SIDT1: variants seen among roughly 807,000 people sequenced by gnomAD.
The protein encoded by SIDT1 is SID1 transmembrane family, member 1.
A neutral mutation model predicts 107.5 loss-of-function variants in SIDT1; 101 were observed. The ratio of observed to expected loss-of-function variants is 0.94; its 90% CI spans 0.80 to 1.11. The LOEUF (loss-of-function observed/expected upper bound fraction) is 1.11, where lower values mean the gene tolerates loss of function less well. Ranked by LOEUF, SIDT1 falls within the 50% of genes least tolerant of loss-of-function variation. The pLI, the probability that SIDT1 is intolerant of heterozygous loss-of-function variation, is 0.00. For synonymous variants in SIDT1, 395 were observed against 398.2 expected (o/e 0.99, Z 0.10); for missense variants, 1,076 against 1,058.2 (o/e 1.02, Z -0.23).
At chr3:113,630,877 G>C (rs1288891894), downstream of SIDT1, among the ~76,000 whole-genome samples, 1 of 152,084 alleles carries the variant, frequency 6.6e-6, no homozygotes, top group Non-Finnish European at 1.5e-5. Context: ...AGCCAGTCTG[G>C]GATCTCTCTC....
intron 6 of SIDT1, 130 bp downstream of exon 6, chr3:113,581,574 TA>T (rs1273165241): frequency 1.6e-5 from 12 of 742,398 alleles, no homozygotes; most frequent in Non-Finnish European, 2.5e-5. Flanking sequence ...CTGATTGGTT[TA>T]AAAACTAATA....
intron 24 of SIDT1, 45 bp from the exon 25 acceptor site, chr3:113,627,601 C>G: frequency 6.3e-7 from 1 of 1,576,820 alleles, no homozygotes; most frequent in Non-Finnish European, 8.7e-7. Context: ...CTTAGTGTGA[C>G]AGTGACTGTC....
chr3:113,568,361 C>T (rs751331052), intron 3 of SIDT1, among the ~76,000 whole-genome samples: 11 of 151,676 alleles, frequency 7.3e-5, no homozygotes, highest in Non-Finnish European at 1.2e-4. Context: ...TTTGGGAGGC[C>T]GAGGAGGTGG....
chr3:113,607,053 A>G lies in SIDT1; in HGVS notation c.1417A>G (p.Thr473Ala). 1.2e-6 allele frequency: 2 copies of G among 1,611,166 alleles called. No homozygotes were observed. The highest frequency in any genetic ancestry group is 1.7e-5 in the Admixed American group (1 of 60,012). The change falls in exon 15 of 25, where the codon ACT (threonine) becomes GCT (alanine). Residue 473 changes from threonine to alanine, a missense_variant. By Grantham distance (58) the Thr-to-Ala change is moderately conservative. Coordinates refer to ENST00000264852, the MANE Select transcript of SIDT1 (RefSeq NM_017699.3). ...VITYQTVVNVTGNQDICYYNF... is the reference protein window; with the variant it reads ...VITYQTVVNVAGNQDICYYNF... ...CTTGATTTTACAGGTGGTAAATGTCACTGGCAACCAGGACATCTGTTACTA... is the reference window on the plus strand; with the variant it reads ...CTTGATTTTACAGGTGGTAAATGTCGCTGGCAACCAGGACATCTGTTACTA...
intron 3 of SIDT1, among the ~76,000 whole-genome samples, chr3:113,568,163 A>C (rs1398325917): frequency 1.4e-5 from 2 of 147,448 alleles, no homozygotes; most frequent in Non-Finnish European, 3.0e-5. Flanking sequence ...TCTTGGTGTG[A>C]CTAGTATTAT....
In SIDT1 at chr3:113,585,225, C is replaced by T; in HGVS notation, c.956C>T (p.Ser319Phe). ...SSLFSVFIFLSFYLGCLLVGF... is the reference protein window; with the variant it reads ...SSLFSVFIFLFFYLGCLLVGF... ...CTTTTCAGTGTCTTCATCTTCCTGT[C>T]CTTCTACTTGGGATGCCTTCTTGTT... The change falls in exon 9 of 25, where the codon TCC becomes TTC. Residue 319 changes from serine (S) to phenylalanine (F), a missense_variant. Coordinates refer to ENST00000264852, the MANE Select transcript of SIDT1 (RefSeq NM_017699.3). 1 of 1,613,624 alleles carries T rather than the reference C, an allele frequency of 6.2e-7. No individual in the cohort carries two copies. Among genetic ancestry groups the T allele is most frequent in the Non-Finnish European group, 8.5e-7 (1 of 1,179,688 alleles).
At chr3:113,586,966 C>G (rs1159550142) in intron 9 of SIDT1, among the ~76,000 whole-genome samples, 1 of 151,998 alleles carries the variant, frequency 6.6e-6, no homozygotes, top group East Asian at 1.9e-4. Flanking sequence ...ATTACACTAG[C>G]AGAAAAATAT....
intron 20 of SIDT1, among the ~76,000 whole-genome samples, chr3:113,617,898 A>T (rs1946214379): frequency 6.6e-6 from 1 of 152,160 alleles, no homozygotes; most frequent in Non-Finnish European, 1.5e-5. Flanking sequence ...ACAGTGGTAC[A>T]TTGGTTACAG....
intron 3 of SIDT1, among the ~76,000 whole-genome samples, chr3:113,576,369 C>G (rs1224221130): frequency 6.6e-6 from 1 of 152,130 alleles, no homozygotes; most frequent in African/African-American, 2.4e-5. Flanking sequence ...TTTCAGCCAA[C>G]GTGGCAGGCA....
the SIDT1 span, among the ~76,000 whole-genome samples, chr3:113,635,740 G>T: frequency 6.6e-6 from 1 of 151,942 alleles, no homozygotes; most frequent in East Asian, 1.9e-4. Flanking sequence ...GGTGGCAGGT[G>T]CCTGTAATCC....
In SIDT1 at chr3:113,612,104, G is replaced by T. The variant is rs199720714; in HGVS notation, c.1876G>T (p.Val626Leu). The change falls in exon 19 of 25, where the codon GTA becomes TTA. Residue 626 changes from valine to leucine, a missense_variant. Coordinates refer to ENST00000264852, the MANE Select transcript of SIDT1 (RefSeq NM_017699.3). ...CTCCTAGGTGTTTGGAAAAAATGACGTATGGTTCTGGGTCATCTTCTCTGC... is the reference window on the plus strand; with the variant it reads ...CTCCTAGGTGTTTGGAAAAAATGACTTATGGTTCTGGGTCATCTTCTCTGC... Reference protein sequence around the residue: ...VLGVVFGKNDVWFWVIFSAIH... With the variant: ...VLGVVFGKNDLWFWVIFSAIH... 1.2e-6 allele frequency: 2 copies of T among 1,613,890 alleles called. No homozygotes were observed. Among genetic ancestry groups the T allele is most frequent in the Admixed American group, 3.3e-5 (2 of 60,018 alleles).
At chr3:113,616,226 ATAG>A (rs1946094608) in intron 20 of SIDT1, 50 bp downstream of exon 20, 1 of 1,406,654 alleles carries the variant, frequency 7.1e-7, no homozygotes, top group Non-Finnish European at 1.0e-6. Context: ...AAGCAGGGGA[ATAG>A]TAGGAGGAAC....
chr3:113,568,811 A>T (rs1432973252), intron 3 of SIDT1, among the ~76,000 whole-genome samples: 1 of 152,032 alleles, frequency 6.6e-6, no homozygotes, highest in Non-Finnish European at 1.5e-5. Context: ...GCTATACCCA[A>T]CAACATGGAT....
chr3:113,616,241 G>C, intron 20 of SIDT1, 65 bp downstream of exon 20: 2 of 1,292,500 alleles, frequency 1.5e-6, no homozygotes, highest in Non-Finnish European at 2.3e-6. Flanking sequence ...AGGAGGAACA[G>C]GCTTGGGGCA....
chr3:113,601,629 A>G lies in SIDT1; in HGVS notation c.1087A>G (p.Thr363Ala). ...GGCATCTCATCCCATTGCTGCCAGC[A>G]CACCCGAAGGGAGCAATTATGGGAC... ...MVASHPIAASTPEGSNYGTID... is the reference protein window; with the variant it reads ...MVASHPIAASAPEGSNYGTID... The change falls in exon 11 of 25, where the codon ACA (threonine) becomes GCA (alanine). Residue 363 changes from threonine to alanine, a missense_variant. Physicochemically the swap from Thr to Ala is moderately conservative, Grantham distance 58. Coordinates refer to ENST00000264852, the MANE Select transcript of SIDT1 (RefSeq NM_017699.3). 1 of 1,614,032 alleles carries G rather than the reference A, an allele frequency of 6.2e-7. No homozygotes were observed. The highest frequency in any genetic ancestry group is 8.5e-7 in the Non-Finnish European group (1 of 1,179,886).
chr3:113,578,261 C>A (rs1049222602), intron 4 of SIDT1, among the ~76,000 whole-genome samples: 1 of 151,662 alleles, frequency 6.6e-6, no homozygotes, highest in Non-Finnish European at 1.5e-5. Flanking sequence ...GTCAGGAGAT[C>A]GAGACCATCC....
Position 113,533,096 on chromosome 3 carries a change from G to A in SIDT1, c.75G>A (p.Pro25=). Residue 25 remains proline (P), a synonymous_variant, in exon 1 of 25, where the codon CCG becomes CCA. Coordinates refer to ENST00000264852, the MANE Select transcript of SIDT1 (RefSeq NM_017699.3). ...WLLLAASPGH[P]AKSPRQPPAP... The stretch of plus-strand genomic sequence containing the variant: ...TGCTGGCGGCGTCGCCCGGGCACCC[G>A]GCGAAATCCCCCAGGCAGCCCCCGG... 6.6e-7 allele frequency: 1 copy of A among 1,519,440 alleles called. No individual in the cohort carries two copies. The highest frequency in any genetic ancestry group is 8.8e-7 in the Non-Finnish European group (1 of 1,134,334). The allele number at this position is 1,519,440 out of a possible 1,614,324, so 94.1% of individuals were successfully genotyped here.
In SIDT1 at chr3:113,608,591, AC is replaced by A; in HGVS notation, c.1720+58del. The A allele has an allele frequency of 2.3e-6, 3 of 1,308,414 alleles. No individual in the cohort carries two copies. The African/African-American group carries it at 4.4e-5, about 19-fold the overall frequency. The allele number at this position is 1,308,414 out of a possible 1,614,324, so 81.1% of individuals were successfully genotyped here. ...TTTGAATCGTCAGTCTTATCCTGGA[AC>A]CCTCCCCAAAAATGCCAAAGTCATG... On this transcript the variant is annotated intron_variant, in intron 17 of 24. Coordinates refer to ENST00000264852, the MANE Select transcript of SIDT1 (RefSeq NM_017699.3).
At chr3:113,563,328 A>G (rs761350154) in intron 1 of SIDT1, among the ~76,000 whole-genome samples, 11 of 145,852 alleles carry the variant, frequency 7.5e-5, no homozygotes, top group Non-Finnish European at 1.6e-4. Context: ...TTGATTGCAA[A>G]CGGATTAGAG....
Sources: allele counts gnomAD v4.1 joint callset (sites outside exome capture counted in the v4.1 genomes callset), GRCh38; gene constraint gnomAD v4.1.1; transcripts MANE v1.5; gene names NCBI Gene and HGNC (gene_info 2026-07-23, HGNC 2026-07-21).